PLCXD1: variants seen among roughly 807,000 people sequenced by gnomAD.
The protein encoded by PLCXD1 is PI-PLC X domain-containing protein 1.
Under a neutral mutation model 37.8 loss-of-function variants are expected in PLCXD1, and 45 were observed. The observed-to-expected ratio is 1.19, with a 90% CI of 0.94 to 1.53. The LOEUF is 1.53. Ranked by LOEUF, PLCXD1 falls within the 40% of genes most tolerant of loss-of-function variation. The probability of loss-of-function intolerance (pLI) is 0.00; values close to 1 mark genes in which losing one functional copy is unlikely to be tolerated. For missense variants in PLCXD1, 539 were observed against 454.7 expected (o/e 1.19, Z -1.69); for synonymous variants, 246 against 206.9 (o/e 1.19, Z -1.62).
chrX:299,513 A>G lies in PLCXD1; in HGVS notation c.*178A>G. ...TGGTGACTTCGCCTGTCTTCCCAGCACTTTGGGAGGCCGAGGTGGGTGGAT... is the reference window on the plus strand; with the variant it reads ...TGGTGACTTCGCCTGTCTTCCCAGCGCTTTGGGAGGCCGAGGTGGGTGGAT... On this transcript the variant is annotated 3_prime_UTR_variant, in exon 7 of 7. Transcript: ENST00000381657. The G allele has an allele frequency of 8.0e-6, 5 of 621,766 alleles. No homozygotes were observed. Among genetic ancestry groups the G allele is most frequent in the Non-Finnish European group, 1.4e-5 (5 of 347,654 alleles). 38.5% of individuals were successfully genotyped at this position (621,766 alleles called of 1,614,324 possible).
rs1292798835 is a variant in PLCXD1 at position 299,392 on chromosome X, A to G, written c.*57A>G. The stretch of plus-strand genomic sequence containing the variant: ...CTGCAGTTTCACCCCCGAATTTCCA[A>G]GTATTGTGACTTTGTTTGGGCCAAA... On this transcript the variant is annotated 3_prime_UTR_variant, in exon 7 of 7. Transcript: ENST00000381657. The G allele has an allele frequency of 4.8e-6, 6 of 1,246,124 alleles. No individual in the cohort carries two copies. The highest frequency in any genetic ancestry group is 1.2e-5 in the South Asian group (1 of 83,758). 77.2% of individuals were successfully genotyped at this position (1,246,124 alleles called of 1,614,324 possible).
At chrX:285,598 C>T (rs755330863) in intron 2 of PLCXD1, among the ~76,000 whole-genome samples, 33 of 152,118 alleles carry the variant, frequency 2.2e-4, no homozygotes, top group Non-Finnish European at 3.7e-4. Flanking sequence ...CATGAATGCA[C>T]ATATGCACAC....
chrX:279,509 C>T (rs1190544398), upstream of PLCXD1, among the ~76,000 whole-genome samples: 3 of 152,186 alleles, frequency 2.0e-5, no homozygotes, highest in African/African-American at 2.4e-5. Context: ...CGGTGGCTCA[C>T]GCCTGTCATC....
chrX:284,004 C>G (rs2069364188), intron 1 of PLCXD1, 163 bp from the exon 2 acceptor site: 1 of 606,566 alleles, frequency 1.6e-6, no homozygotes, highest in Non-Finnish European at 3.0e-6. Context: ...GCCTCAGCCT[C>G]CCGAGTAGCT....
At chrX:286,142 G>C (rs376094460) in intron 2 of PLCXD1, among the ~76,000 whole-genome samples, 1 of 151,550 alleles carries the variant, frequency 6.6e-6, no homozygotes, top group Non-Finnish European at 1.5e-5. Context: ...TCAGCTCATC[G>C]CAACCTCTGC....
rs372663027 is a variant in PLCXD1, at chrX:299,281, A to G, written c.918A>G (p.Ala306=). The G allele has an allele frequency of 6.2e-7, 1 of 1,613,798 alleles. No homozygotes were observed. Among genetic ancestry groups the G allele is most frequent in the African/African-American group, 1.3e-5 (1 of 74,922 alleles). ...TCATCGCGGGGGACTTCATCGGCGC[A>G]GACGGCTTCGTCAGTGACGTCATCG... The part of the protein sequence containing the change: ...TNIIAGDFIG[A]DGFVSDVIAL... Residue 306 remains alanine (A), a synonymous_variant, in exon 7 of 7, where the codon GCA becomes GCG. Transcript: ENST00000381657.
chrX:294,948 G>C (rs2069757162), intron 6 of PLCXD1, among the ~76,000 whole-genome samples: 1 of 152,178 alleles, frequency 6.6e-6, no homozygotes, highest in Non-Finnish European at 1.5e-5. Flanking sequence ...GGCCGAGGCA[G>C]GTGGATTAAT....
Position 300,337 on chromosome X carries a change from C to T in PLCXD1, c.*1002C>T, listed in dbSNP as rs1390283083. Reference sequence around the variant, plus strand: ...CGGCCTCCCCTGTCAGCCAACCCCTCAGCTAGTTCTCACACCAAGCCTATA... The same window carrying T: ...CGGCCTCCCCTGTCAGCCAACCCCTTAGCTAGTTCTCACACCAAGCCTATA... On this transcript the variant is annotated 3_prime_UTR_variant, in exon 7 of 7. Transcript: ENST00000381657. 1 of 152,126 alleles carries T rather than the reference C, an allele frequency of 6.6e-6. No individual in the cohort carries two copies. The highest frequency in any genetic ancestry group is 2.4e-5 in the African/African-American group (1 of 41,438). The allele number at this position is 152,126 out of a possible 1,614,324, so 9.4% of individuals were successfully genotyped here.
In PLCXD1 at chrX:302,747, T is replaced by G. The variant is rs760005409; in HGVS notation, c.*3412T>G. 1 of 152,102 alleles carries G rather than the reference T, an allele frequency of 6.6e-6. No individual in the cohort carries two copies. Among genetic ancestry groups the G allele is most frequent in the South Asian group, 2.1e-4 (1 of 4,818 alleles). The allele number at this position is 152,102 out of a possible 1,614,324, so 9.4% of individuals were successfully genotyped here. ...CGCCACCACGCCCGGATAATTTTTG[T>G]GTGTTTAGCAGAGACGGGGTTTCAC... is the stretch of plus-strand genomic sequence containing the variant. On this transcript the variant is annotated 3_prime_UTR_variant, in exon 7 of 7. Transcript: ENST00000381657.
intron 1 of PLCXD1, chrX:283,415 G>A (rs1410641690): frequency 6.6e-6 from 1 of 152,224 alleles, no homozygotes; most frequent in Non-Finnish European, 1.5e-5. Context: ...GAGGGGATTG[G>A]TCTGACCAGG....
Position 291,614 on chromosome X carries a change from G to C in PLCXD1, c.509G>C (p.Cys170Ser). 1 of 1,612,996 alleles carries C rather than the reference G, an allele frequency of 6.2e-7. No individual in the cohort carries two copies. Among genetic ancestry groups the C allele is most frequent in the Non-Finnish European group, 8.5e-7 (1 of 1,179,866 alleles). The change falls in exon 5 of 7, where the codon TGT (cysteine) becomes TCT (serine). Residue 170 changes from cysteine (C) to serine (S), a missense_variant. Coordinates refer to ENST00000381657, the MANE Select transcript of PLCXD1 (RefSeq NM_018390.4). ...SEDLHEYLVA[C>S]IKNIFGDMLC... is the part of the protein sequence containing the mutation. ...GACCTGCACGAGTACCTGGTCGCCT[G>C]TATCAAGAACATCTTCGGGGACATG...
chrX:290,080 C>T (rs1277857231), intron 3 of PLCXD1, among the ~76,000 whole-genome samples: 1 of 152,068 alleles, frequency 6.6e-6, no homozygotes, highest in Non-Finnish European at 1.5e-5. Flanking sequence ...TCCTCAGCCT[C>T]CCGGGCAGCT....
At chrX:283,127 C>T (rs1274341250) in intron 1 of PLCXD1, 2 of 148,240 alleles carry the variant, frequency 1.3e-5, no homozygotes, top group Admixed American at 6.8e-5. Flanking sequence ...TTTTAAGGAG[C>T]GGAGAGTTTA....
At chrX:277,076 C>T (rs1317388113), upstream of PLCXD1, among the ~76,000 whole-genome samples, 1 of 152,158 alleles carries the variant, frequency 6.6e-6, no homozygotes, top group Non-Finnish European at 1.5e-5. Flanking sequence ...CGTGGGACGG[C>T]CTCCAGACCC....
At chrX:291,779 C>CGGGGGGGG in intron 5 of PLCXD1, 125 bp downstream of exon 5, 2 of 1,055,138 alleles carry the variant, frequency 1.9e-6, no homozygotes, top group Non-Finnish European at 2.9e-6. Flanking sequence ...AGCCGTCGAA[C>CGGGGGGGG]GGGGGCTGCC....
chrX:299,594 C>G lies in PLCXD1; in HGVS notation c.*259C>G. 2 of 564,278 alleles carry G rather than the reference C, an allele frequency of 3.5e-6. No individual in the cohort carries two copies. Among genetic ancestry groups the G allele is most frequent in the East Asian group, 5.9e-5 (2 of 34,150 alleles). The allele number at this position is 564,278 out of a possible 1,614,324, so 35.0% of individuals were successfully genotyped here. A position where few individuals can be genotyped will look rare whatever the true frequency, so the allele number is the denominator to read the frequency against. ...CCAACATGGTGAAATCCCATCTCTA[C>G]TAAAAATACAAAACTTAGCTGGGTG... is the stretch of plus-strand genomic sequence containing the variant. On this transcript the variant is annotated 3_prime_UTR_variant, in exon 7 of 7. Transcript: ENST00000381657.
At chrX:288,603 C>A (rs1202118843) in intron 2 of PLCXD1, 130 bp from the exon 3 acceptor site, 1 of 989,394 alleles carries the variant, frequency 1.0e-6, no homozygotes, top group East Asian at 2.4e-5. Context: ...GCGTGCACCC[C>A]TCCCGCCATA....
chrX:294,388 A>G (rs1366082367), intron 6 of PLCXD1, among the ~76,000 whole-genome samples: 3 of 151,876 alleles, frequency 2.0e-5, no homozygotes, highest in East Asian at 1.9e-4. Context: ...AGGCTGAGGT[A>G]GGAGAATGGT....
chrX:300,510 GTGTGCATA>G lies in PLCXD1; in HGVS notation c.*1180_*1187del, dbSNP rs1159771308. ...TGTGTATGTGTGTATATATGTATAT[GTGTGCATA>G]TGTGTATACGTGTATGCATACATGT... is the stretch of plus-strand genomic sequence containing the variant. On this transcript the variant is annotated 3_prime_UTR_variant, in exon 7 of 7. Transcript: ENST00000381657. 5 of 149,694 alleles carry G rather than the reference GTGTGCATA, an allele frequency of 3.3e-5. No individual in the cohort carries two copies. The highest frequency in any genetic ancestry group is 2.5e-5 in the African/African-American group (1 of 39,390). 9.3% of individuals were successfully genotyped at this position (149,694 alleles called of 1,614,324 possible). A position where few individuals can be genotyped will look rare whatever the true frequency, so the allele number is the denominator to read the frequency against.
Sources: gnomAD v4.1 joint callset for allele counts (sites outside exome capture counted in the v4.1 genomes callset) on GRCh38, gnomAD v4.1.1 for gene constraint, MANE v1.5 for transcripts, NCBI Gene and HGNC (gene_info 2026-07-23, HGNC 2026-07-21) for gene names.